GLRB: variants seen among roughly 807,000 people sequenced by gnomAD.
GLRB encodes glycine receptor beta.
A neutral mutation model predicts 54.2 loss-of-function variants in GLRB; 33 were observed. That is an observed-to-expected ratio of 0.61 (90% confidence interval 0.46 to 0.81). The LOEUF is 0.81. Ranked by LOEUF, GLRB falls within the 40% of genes least tolerant of loss-of-function variation. GLRB has a pLI of 0.00. For synonymous variants in GLRB, 209 were observed against 208.2 expected (o/e 1.00, Z -0.03); for missense variants, 572 against 584.6 (o/e 0.98, Z 0.22).
In GLRB at chr4:157,136,665, T is replaced by C; in HGVS notation, c.494T>C (p.Ile165Thr). The C allele has an allele frequency of 6.2e-7, 1 of 1,610,968 alleles. No individual in the cohort carries two copies. Among genetic ancestry groups the C allele is most frequent in the Non-Finnish European group, 8.5e-7 (1 of 1,177,128 alleles). Residue 165 changes from isoleucine to threonine, a missense_variant, in exon 5 of 10, where the codon ATT (isoleucine) becomes ACT (threonine). Transcript: ENST00000264428. ...DVTQENILLFIFRDGDVLVSM... is the reference protein window; with the variant it reads ...DVTQENILLFTFRDGDVLVSM... Reference sequence around the variant, plus strand: ...ACCCAGGAAAACATCCTCCTCTTTATTTTTCGTGATGGAGATGTCCTTGTC... The same window carrying C: ...ACCCAGGAAAACATCCTCCTCTTTACTTTTCGTGATGGAGATGTCCTTGTC...
chr4:157,152,012 G>T (rs1432285441), intron 8 of GLRB, among the ~76,000 whole-genome samples: 2 of 152,180 alleles, frequency 1.3e-5, no homozygotes, highest in Non-Finnish European at 2.9e-5. Flanking sequence ...AAAAGAGAGA[G>T]GAATGGCAGG....
chr4:157,161,515 G>A lies in GLRB; in HGVS notation c.1197+8505G>A, dbSNP rs545708091. On this transcript the variant is annotated intron_variant, in intron 9 of 9. Coordinates refer to ENST00000264428, the MANE Select transcript of GLRB (RefSeq NM_000824.5). Reference sequence around the variant, plus strand: ...AGTGCTTCCTTCAGGAGCTCTTTTAGGGCAGGCCTGGTGGTGACAAAATCT... The same window carrying A: ...AGTGCTTCCTTCAGGAGCTCTTTTAAGGCAGGCCTGGTGGTGACAAAATCT... Among the ~76,000 whole-genome samples the A allele has an allele frequency of 2.0e-3, 309 of 152,224 alleles. 1 individual carries two copies. Among genetic ancestry groups the A allele is most frequent in the African/African-American group, 7.0e-3 (290 of 41,544 alleles).
intron 4 of GLRB, among the ~76,000 whole-genome samples, chr4:157,125,088 C>T (rs912401258): frequency 2.6e-5 from 4 of 151,760 alleles, no homozygotes; most frequent in Non-Finnish European, 5.9e-5. Context: ...TTCATCTAGA[C>T]AACACTTCAT....
At chr4:157,094,037 A>G (rs566796641) in intron 2 of GLRB, among the ~76,000 whole-genome samples, 1 of 152,302 alleles carries the variant, frequency 6.6e-6, no homozygotes, top group East Asian at 1.9e-4. Flanking sequence ...TGTATATGTG[A>G]CACACAAATA....
intron 2 of GLRB, among the ~76,000 whole-genome samples, chr4:157,090,264 T>G (rs1734563308): frequency 6.6e-6 from 1 of 152,214 alleles, no homozygotes; most frequent in African/African-American, 2.4e-5. Context: ...ATTAAATCAC[T>G]TAAAATAACT....
intron 2 of GLRB, among the ~76,000 whole-genome samples, chr4:157,097,349 C>T (rs910014556): frequency 2.6e-5 from 4 of 152,064 alleles, no homozygotes; most frequent in African/African-American, 4.8e-5. Context: ...TTACTTTTAT[C>T]GCCTAATTTA....
chr4:157,156,336 G>A (rs186979146), intron 9 of GLRB, among the ~76,000 whole-genome samples: 1 of 152,214 alleles, frequency 6.6e-6, no homozygotes, highest in Non-Finnish European at 1.5e-5. Flanking sequence ...GTCATTGTTG[G>A]TGTATAGCAG....
intron 2 of GLRB, among the ~76,000 whole-genome samples, chr4:157,089,513 C>T (rs547295013): frequency 2.6e-5 from 4 of 152,252 alleles, no homozygotes; most frequent in South Asian, 4.1e-4. Flanking sequence ...CTTCTGTAAA[C>T]GGAAACAATC....
chr4:157,161,966 AC>A (rs1400345588), intron 9 of GLRB, among the ~76,000 whole-genome samples: 1 of 152,180 alleles, frequency 6.6e-6, no homozygotes, highest in African/African-American at 2.4e-5. Flanking sequence ...TTTCAGGTAC[AC>A]CAGTCAGACG....
chr4:157,142,828 A>G (rs1286848967), intron 7 of GLRB, among the ~76,000 whole-genome samples: 1 of 152,206 alleles, frequency 6.6e-6, no homozygotes, highest in Admixed American at 6.5e-5. Flanking sequence ...ACAATCTTAC[A>G]TTTGTAAAAT....
At chr4:157,115,323 A>AT (rs1453392275) in intron 2 of GLRB, among the ~76,000 whole-genome samples, 1 of 150,820 alleles carries the variant, frequency 6.6e-6, no homozygotes, top group Admixed American at 6.6e-5. Flanking sequence ...TTTAAAAAAA[A>AT]ATTGTCTTCT....
chr4:157,115,120 C>T (rs534392085), intron 2 of GLRB, among the ~76,000 whole-genome samples: 1 of 151,852 alleles, frequency 6.6e-6, no homozygotes, highest in South Asian at 2.1e-4. Context: ...TCTGTATGGA[C>T]TCTGGAATTT....
At chr4:157,078,782 AT>A in intron 2 of GLRB, among the ~76,000 whole-genome samples, 1 of 151,900 alleles carries the variant, frequency 6.6e-6, no homozygotes, top group African/African-American at 2.4e-5. Context: ...AGTCTTGTTT[AT>A]TTTTTTTAGA....
intron 1 of GLRB, among the ~76,000 whole-genome samples, chr4:157,076,997 A>G (rs1008931878): frequency 1.4e-5 from 2 of 146,118 alleles, no homozygotes; most frequent in African/African-American, 5.0e-5. Flanking sequence ...AAGATGAAAA[A>G]CATGACATAA....
intron 2 of GLRB, among the ~76,000 whole-genome samples, chr4:157,117,835 T>G (rs1473750533): frequency 6.6e-6 from 1 of 151,688 alleles, no homozygotes; most frequent in Admixed American, 6.6e-5. Context: ...ATCATACTGT[T>G]TTCATTTTGT....
intron 9 of GLRB, among the ~76,000 whole-genome samples, chr4:157,157,474 AT>A (rs1737277925): frequency 6.6e-6 from 1 of 151,992 alleles, no homozygotes; most frequent in East Asian, 1.9e-4. Context: ...AGATCTCCTA[AT>A]GCTATCCCTC....
intron 8 of GLRB, among the ~76,000 whole-genome samples, chr4:157,148,109 T>A (rs1172227094): frequency 6.6e-6 from 1 of 152,176 alleles, no homozygotes; most frequent in African/African-American, 2.4e-5. Flanking sequence ...CTCCTCTTAT[T>A]TGGTGAATTA....
intron 2 of GLRB, among the ~76,000 whole-genome samples, chr4:157,096,825 G>A (rs1283830674): frequency 1.3e-5 from 2 of 152,200 alleles, no homozygotes; most frequent in Non-Finnish European, 2.9e-5. Context: ...CATAGCAGGG[G>A]TGGCCTTTGA....
rs138709168 is a variant in GLRB at position 157,085,305 on chromosome 4, A to G, written c.122+7159A>G. On this transcript the variant is annotated intron_variant, in intron 2 of 9. Transcript: ENST00000264428. Reference sequence around the variant, plus strand: ...ATCCAGGCTGGAGTGTGGTGTTGTGATCATAGCTAACTGCCGCCTCCAACT... The same window carrying G: ...ATCCAGGCTGGAGTGTGGTGTTGTGGTCATAGCTAACTGCCGCCTCCAACT... Among the ~76,000 whole-genome samples the G allele has an allele frequency of 2.3e-4, 35 of 152,046 alleles. No individual in the cohort carries two copies. The East Asian group carries it at 5.6e-3, about 24-fold the overall frequency.
Sources: allele counts gnomAD v4.1 joint callset (sites outside exome capture counted in the v4.1 genomes callset), GRCh38; gene constraint gnomAD v4.1.1; transcripts MANE v1.5; gene names NCBI Gene and HGNC (gene_info 2026-07-23, HGNC 2026-07-21).